The following SHOC2 variants were observed in gnomAD, a reference collection of about 807,000 sequenced individuals.
The protein encoded by SHOC2 is leucine-rich repeat protein SHOC-2.
In SHOC2, 4 loss-of-function variants were observed where a neutral mutation model predicts 50.2. The ratio of observed to expected loss-of-function variants is 0.08; its 90% CI spans 0.04 to 0.18. The LOEUF is 0.18. Ranked by LOEUF, SHOC2 falls within the 10% of genes least tolerant of loss-of-function variation. The pLI is 1.00. For synonymous variants in SHOC2, 218 were observed against 244.5 expected, an observed-to-expected ratio of 0.89 and a Z score of 1.01; for missense variants, 388 against 669.6, an observed-to-expected ratio of 0.58 and a Z score of 4.64.
chr10:110,921,968 CTTTT>C (rs879927479), intron 1 of SHOC2, among the ~76,000 whole-genome samples: 1 of 148,196 alleles, frequency 6.7e-6, no homozygotes, highest in African/African-American at 2.5e-5. Flanking sequence ...GCAGCTAGAT[CTTTT>C]TTTTTTAGTT....
intron 1 of SHOC2, among the ~76,000 whole-genome samples, chr10:110,935,605 A>G (rs919869759): frequency 6.6e-5 from 10 of 152,284 alleles, no homozygotes; most frequent in African/African-American, 2.2e-4. Context: ...TTGTGTTCAT[A>G]TAGTTACATT....
intron 2 of SHOC2, among the ~76,000 whole-genome samples, chr10:110,981,355 T>G (rs1355623840): frequency 6.6e-6 from 1 of 152,216 alleles, no homozygotes; most frequent in African/African-American, 2.4e-5. Flanking sequence ...ATGAATGAAT[T>G]AATGCAGTAA....
At chr10:110,958,217 TTTC>T (rs889416761) in intron 1 of SHOC2, among the ~76,000 whole-genome samples, 5 of 104,428 alleles carry the variant, frequency 4.8e-5, no homozygotes, top group Non-Finnish European at 1.0e-4. Flanking sequence ...CATTTCTTTC[TTTC>T]TTTTTTTTTT....
chr10:110,961,700 T>A (rs1040750986), intron 1 of SHOC2, among the ~76,000 whole-genome samples: 1 of 152,166 alleles, frequency 6.6e-6, no homozygotes, highest in Non-Finnish European at 1.5e-5. Flanking sequence ...ATCAGACAGT[T>A]CAAGTATCAG....
intron 6 of SHOC2, 114 bp from the exon 7 acceptor site, chr10:111,009,134 C>G (rs1590838949): frequency 3.0e-6 from 2 of 672,840 alleles, no homozygotes; most frequent in Non-Finnish European, 5.2e-6. Context: ...GAACATCACC[C>G]TTAATATTCA....
chr10:110,992,971 T>C (rs1848211339), intron 3 of SHOC2, among the ~76,000 whole-genome samples: 1 of 152,208 alleles, frequency 6.6e-6, no homozygotes, highest in Admixed American at 6.5e-5. Context: ...TTATACTAAA[T>C]TAAACTAAAG....
chr10:110,949,390 G>C (rs1847308033), intron 1 of SHOC2, among the ~76,000 whole-genome samples: 1 of 152,046 alleles, frequency 6.6e-6, no homozygotes, highest in Non-Finnish European at 1.5e-5. Flanking sequence ...CAATCATGAA[G>C]AAAGAGAAAA....
chr10:110,999,920 CA>C (rs1667664772), intron 3 of SHOC2, among the ~76,000 whole-genome samples: 2 of 151,924 alleles, frequency 1.3e-5, no homozygotes, highest in South Asian at 4.1e-4. Context: ...GCCAAGTTTT[CA>C]GTATGGAACC....
At chr10:110,951,387 CTG>C (rs1315363429) in intron 1 of SHOC2, among the ~76,000 whole-genome samples, 1 of 152,086 alleles carries the variant, frequency 6.6e-6, no homozygotes, top group Non-Finnish European at 1.5e-5. Flanking sequence ...GATAATAAGA[CTG>C]TAAGTGTTGG....
intron 3 of SHOC2, among the ~76,000 whole-genome samples, chr10:110,997,882 T>C (rs1237105468): frequency 2.6e-5 from 4 of 152,220 alleles, no homozygotes; most frequent in Non-Finnish European, 5.9e-5. Flanking sequence ...TCTTCTGTTA[T>C]TGAATATTTA....
intron 1 of SHOC2, among the ~76,000 whole-genome samples, chr10:110,933,193 T>C: frequency 6.6e-6 from 1 of 152,294 alleles, no homozygotes; most frequent in African/African-American, 2.4e-5. Flanking sequence ...GTGTTACATA[T>C]ATTTTGTTTC....
chr10:110,980,689 TC>T (rs1391868601), intron 2 of SHOC2, among the ~76,000 whole-genome samples: 24 of 152,296 alleles, frequency 1.6e-4, no homozygotes, highest in Non-Finnish European at 2.9e-4. Flanking sequence ...TGGTCTAGAT[TC>T]CTTAGGTTGA....
At chr10:110,946,409 A>G (rs750045527) in intron 1 of SHOC2, among the ~76,000 whole-genome samples, 1 of 150,358 alleles carries the variant, frequency 6.7e-6, no homozygotes, top group Non-Finnish European at 1.5e-5. Flanking sequence ...TGCAAACCAA[A>G]TAGTCAGAAG....
At position 110,996,394 on chromosome 10, in the gene SHOC2, G is replaced by T. The variant is rs1848268346; in HGVS notation, c.842-4021G>T. On this transcript the variant is annotated intron_variant, in intron 3 of 8. Transcript: ENST00000369452. ...ATACAAAAATTAGCTGGGTGTGGTG[G>T]TGCATGCCTGTAGTCCGTGCTACTC... is the stretch of plus-strand genomic sequence containing the variant. Among the ~76,000 whole-genome samples, 3 of 152,044 alleles carry T rather than the reference G, an allele frequency of 2.0e-5. No homozygotes were observed. The South Asian group carries it at 6.3e-4, about 32-fold the overall frequency.
chr10:110,950,229 A>G (rs1435542956), intron 1 of SHOC2, among the ~76,000 whole-genome samples: 3 of 152,164 alleles, frequency 2.0e-5, no homozygotes, highest in East Asian at 1.9e-4. Context: ...TACAAAAACC[A>G]GTTGTGTTTC....
intron 1 of SHOC2, among the ~76,000 whole-genome samples, chr10:110,940,476 A>G (rs927132641): frequency 3.3e-5 from 5 of 152,220 alleles, no homozygotes; most frequent in African/African-American, 1.2e-4. Context: ...AAAAATGTCC[A>G]TTCAAAGTCC....
Position 111,012,058 on chromosome 10 carries a change from T to C in SHOC2, c.*240T>C, listed in dbSNP as rs890328883. ...TGTTTTTCTGTTGTGTAATCTGATA[T>C]GCCAGTTTGCTTAAAACATTTGCCA... On this transcript the variant is annotated 3_prime_UTR_variant, in exon 9 of 9. Coordinates refer to ENST00000369452, the MANE Select transcript of SHOC2 (RefSeq NM_007373.4). The C allele has an allele frequency of 1.4e-5, 7 of 510,196 alleles. No homozygotes were observed. The highest frequency in any genetic ancestry group is 3.8e-5 in the African/African-American group (2 of 51,972). The allele number at this position is 510,196 out of a possible 1,614,324, so 31.6% of individuals were successfully genotyped here. A position where few individuals can be genotyped will look rare whatever the true frequency, so the allele number is the denominator to read the frequency against.
chr10:111,006,415 G>C (rs1848467641), intron 5 of SHOC2, among the ~76,000 whole-genome samples: 1 of 152,150 alleles, frequency 6.6e-6, no homozygotes, highest in Admixed American at 6.5e-5. Flanking sequence ...CTGTCACCCA[G>C]GCTGGAGTGC....
rs779128466 is a variant in SHOC2 at position 111,004,706 on chromosome 10, A to G, written c.1073A>G (p.Tyr358Cys). Residue 358 changes from tyrosine to cysteine, a missense_variant, in exon 5 of 9, where the codon TAT becomes TGT. By Grantham distance (194) the Tyr-to-Cys change is radical. Around this residue, in one of 5 missense-constraint regions of SHOC2, gnomAD observed 48 missense variants for 151.6 expected, o/e 0.32. Coordinates refer to ENST00000369452, the MANE Select transcript of SHOC2 (RefSeq NM_007373.4). ...GGTCCATCTCAGTTTTCTACCATCT[A>G]TTCCCTCAACATGGAACACAATCGA... ...VGGPSQFSTIYSLNMEHNRIN... is the reference protein window; with the variant it reads ...VGGPSQFSTICSLNMEHNRIN... 1.2e-5 allele frequency: 19 copies of G among 1,613,176 alleles called. No individual in the cohort carries two copies. Among genetic ancestry groups the G allele is most frequent in the Admixed American group, 1.7e-5 (1 of 60,004 alleles).
Sources: gnomAD v4.1 joint callset for allele counts (sites outside exome capture counted in the v4.1 genomes callset) on GRCh38, gnomAD v4.1.1 for gene constraint, gnomAD v4.1.1 regional missense constraint, MANE v1.5 for transcripts, NCBI Gene and HGNC (gene_info 2026-07-23, HGNC 2026-07-21) for gene names.